Variants in ATXN7L1 observed in about 807,000 individuals in gnomAD.
ATXN7L1 encodes the protein ataxin-7-like protein 1.
A neutral mutation model predicts 70.8 loss-of-function variants in ATXN7L1; 15 were observed. The observed-to-expected ratio is 0.21, with a 90% confidence interval of 0.14 to 0.33. ATXN7L1 has a LOEUF of 0.33. Among genes scored for constraint, ATXN7L1 ranks in the 10% least tolerant of loss-of-function variants. ATXN7L1 has a pLI of 1.00. For missense variants in ATXN7L1, 975 were observed against 1,097.1 expected, an observed-to-expected ratio of 0.89 and a Z score of 1.57; for synonymous variants, 440 against 445.1, an observed-to-expected ratio of 0.99 and a Z score of 0.14.
At chr7:105,855,040 C>T (rs1585161148) in intron 2 of ATXN7L1, among the ~76,000 whole-genome samples, 1 of 151,594 alleles carries the variant, frequency 6.6e-6, no homozygotes, top group South Asian at 2.1e-4. Context: ...CTGCAACCTC[C>T]ACCTCCCAGG....
intron 2 of ATXN7L1, among the ~76,000 whole-genome samples, chr7:105,868,402 A>G (rs1034898172): frequency 4.6e-5 from 7 of 152,152 alleles, no homozygotes; most frequent in Admixed American, 2.0e-4. Context: ...CAGGTCAAAC[A>G]CATAAGGGAG....
At chr7:105,634,300 C>A (rs78295997) in intron 7 of ATXN7L1, among the ~76,000 whole-genome samples, 1 of 152,186 alleles carries the variant, frequency 6.6e-6, no homozygotes, top group African/African-American at 2.4e-5. Flanking sequence ...CAGTTCAACT[C>A]AGGGAAATGC....
intron 2 of ATXN7L1, among the ~76,000 whole-genome samples, chr7:105,820,340 C>T (rs561631000): frequency 6.6e-6 from 1 of 152,226 alleles, no homozygotes; most frequent in African/African-American, 2.4e-5. Flanking sequence ...TAGTGACTTT[C>T]TAGAGCGCAA....
chr7:105,643,144 C>A (rs1383078552), intron 4 of ATXN7L1, 23 bp from the exon 5 acceptor site: 1 of 1,489,126 alleles, frequency 6.7e-7, no homozygotes, highest in African/African-American at 1.4e-5. Flanking sequence ...TGAACAAACA[C>A]ACACAATTGT....
Position 105,673,901 on chromosome 7 carries a change from G to A in ATXN7L1, c.356-8613C>T, listed in dbSNP as rs565626240. Among the ~76,000 whole-genome samples, 6 of 152,338 alleles carry A rather than the reference G, an allele frequency of 3.9e-5. No individual in the cohort carries two copies. The East Asian group carries it at 1.2e-3, about 29-fold the overall frequency. ...TAAACTTACTGCCATGGTGTAAGGGGGGATATTGAATCAGCCTTGCTCAGC... is the reference window on the plus strand; with the variant it reads ...TAAACTTACTGCCATGGTGTAAGGGAGGATATTGAATCAGCCTTGCTCAGC... On this transcript the variant is annotated intron_variant, in intron 3 of 11. Transcript: ENST00000419735.
intron 3 of ATXN7L1, among the ~76,000 whole-genome samples, chr7:105,684,761 C>A (rs1182182761): frequency 6.6e-6 from 1 of 152,188 alleles, no homozygotes; most frequent in African/African-American, 2.4e-5. Flanking sequence ...TGGAAGAGGA[C>A]AGGCCCAAGA....
intron 3 of ATXN7L1, among the ~76,000 whole-genome samples, chr7:105,787,957 T>A (rs1372054059): frequency 6.6e-6 from 1 of 152,202 alleles, no homozygotes; most frequent in Non-Finnish European, 1.5e-5. Context: ...AAATGGCTGT[T>A]TATTCATCCC....
At position 105,643,931 on chromosome 7, in the gene ATXN7L1, G is replaced by T. The variant is rs746546993; in HGVS notation, c.579-810C>A. Among the ~76,000 whole-genome samples, 6 of 152,180 alleles carry T rather than the reference G, an allele frequency of 3.9e-5. No individual in the cohort carries two copies. In the East Asian group the frequency reaches 1.2e-3, roughly 29 times the overall value. ...TCTTCTTTAATGCTGAAGGACCTGCGTCTGGGGGGCTGTGGAGAACTCCAT... is the reference window on the plus strand; with the variant it reads ...TCTTCTTTAATGCTGAAGGACCTGCTTCTGGGGGGCTGTGGAGAACTCCAT... On this transcript the variant is annotated intron_variant, in intron 4 of 11. Transcript: ENST00000419735.
chr7:105,663,955 A>G (rs1437674221), intron 4 of ATXN7L1, among the ~76,000 whole-genome samples: 1 of 152,060 alleles, frequency 6.6e-6, no homozygotes, highest in African/African-American at 2.4e-5. Flanking sequence ...TTTTTAGTAG[A>G]GATGGGGTTT....
At chr7:105,850,907 ATCTCTGCCCCCAGGATATG>A (rs1814783137) in intron 2 of ATXN7L1, among the ~76,000 whole-genome samples, 1 of 152,246 alleles carries the variant, frequency 6.6e-6, no homozygotes, top group African/African-American at 2.4e-5. Context: ...GCAGAAAGCC[ATCTCTGCCCCCAGGATATG>A]TCACTTCAGT....
chr7:105,682,124 C>T (rs1805627500), intron 3 of ATXN7L1, among the ~76,000 whole-genome samples: 1 of 152,038 alleles, frequency 6.6e-6, no homozygotes, highest in South Asian at 2.1e-4. Context: ...ACTGGGGAGG[C>T]TGAGGTGGGA....
At chr7:105,645,652 A>AG (rs1322510113) in intron 4 of ATXN7L1, among the ~76,000 whole-genome samples, 1 of 151,644 alleles carries the variant, frequency 6.6e-6, no homozygotes, top group Admixed American at 6.6e-5. Context: ...AAAAAAAAAA[A>AG]AAAAAGAAAA....
chr7:105,694,050 CT>C (rs34797129), intron 3 of ATXN7L1, among the ~76,000 whole-genome samples: 438 of 139,198 alleles, frequency 3.1e-3, no homozygotes, highest in East Asian at 5.2e-3. Flanking sequence ...AGAAGTGAGC[CT>C]TTTTTTTTTT....
At chr7:105,746,190 G>T (rs775664032) in intron 3 of ATXN7L1, among the ~76,000 whole-genome samples, 5 of 152,184 alleles carry the variant, frequency 3.3e-5, no homozygotes, top group Non-Finnish European at 7.4e-5. Context: ...CTGCTCGGCT[G>T]GACTTTTACA....
chr7:105,652,466 T>C lies in ATXN7L1; in HGVS notation c.579-9345A>G, dbSNP rs577577654. 5.3e-5 allele frequency among the ~76,000 whole-genome samples: 8 copies of C among 152,324 alleles called. No homozygotes were observed. In the East Asian group the frequency reaches 1.5e-3, roughly 29 times the overall value. ...GGGTGAGGCAGAGCCCCAAGCACCC[T>C]GTCCCCAGCACTGGCCCAGAACAGG... On this transcript the variant is annotated intron_variant, in intron 4 of 11. Transcript: ENST00000419735.
chr7:105,861,253 G>A (rs1246061067), intron 2 of ATXN7L1, among the ~76,000 whole-genome samples: 1 of 152,210 alleles, frequency 6.6e-6, no homozygotes, highest in Non-Finnish European at 1.5e-5. Flanking sequence ...TGGTCGATGA[G>A]GGAGTGCTGA....
chr7:105,758,356 A>G lies in ATXN7L1; in HGVS notation c.355+30248T>C, dbSNP rs144030181. ...CCACCTCTCTGAGAAGCATGATTAT[A>G]CCCATTTTCCACACATGAGAAGATT... On this transcript the variant is annotated intron_variant, in intron 3 of 11. Transcript: ENST00000419735. Among the ~76,000 whole-genome samples, 301 of 152,266 alleles carry G rather than the reference A, an allele frequency of 2.0e-3. 1 individual carries two copies. The highest frequency in any genetic ancestry group is 6.8e-3 in the African/African-American group (284 of 41,522).
intron 3 of ATXN7L1, among the ~76,000 whole-genome samples, chr7:105,774,584 C>T (rs1014190487): frequency 6.6e-6 from 1 of 152,008 alleles, no homozygotes; most frequent in Admixed American, 6.6e-5. Flanking sequence ...AACTCCTGAC[C>T]TCAAGTAATC....
intron 3 of ATXN7L1, among the ~76,000 whole-genome samples, chr7:105,719,948 G>GAA (rs1794995100): frequency 6.6e-6 from 1 of 152,182 alleles, no homozygotes; most frequent in Non-Finnish European, 1.5e-5. Flanking sequence ...CTTCAGCCGT[G>GAA]ACCCCACTTT....
Sources: allele counts gnomAD v4.1 joint callset (sites outside exome capture counted in the v4.1 genomes callset), GRCh38; gene constraint gnomAD v4.1.1; transcripts MANE v1.5; gene names NCBI Gene and HGNC (gene_info 2026-07-23, HGNC 2026-07-21).